AGBL4: variants seen among roughly 807,000 people sequenced by gnomAD.
AGBL4 encodes AGBL carboxypeptidase 4.
AGBL4 carries 58 observed loss-of-function variants against 66.4 expected under a neutral mutation model. The observed-to-expected ratio is 0.87, with a 90% CI of 0.71 to 1.09. AGBL4 has a LOEUF of 1.09. AGBL4 is among the 50% of genes least tolerant of loss of function. The pLI is 0.00. For missense variants in AGBL4, 579 were observed against 631.0 expected, an observed-to-expected ratio of 0.92 and a Z score of 0.88; for synonymous variants, 234 against 222.9, an observed-to-expected ratio of 1.05 and a Z score of -0.44.
At chr1:49,264,546 A>G (rs1043843530) in intron 3 of AGBL4, among the ~76,000 whole-genome samples, 7 of 150,668 alleles carry the variant, frequency 4.6e-5, no homozygotes, top group Non-Finnish European at 8.9e-5. Context: ...ACAGCCTCCC[A>G]TAAGTTTTTT....
At chr1:49,407,223 G>C (rs561391640) in intron 3 of AGBL4, among the ~76,000 whole-genome samples, 8 of 152,040 alleles carry the variant, frequency 5.3e-5, no homozygotes, top group East Asian at 1.9e-4. Context: ...CTATAATGTG[G>C]GTTAGCATCA....
Position 50,023,745 on chromosome 1 carries a change from T to A in AGBL4, c.34+18A>T. On this transcript the variant is annotated intron_variant, in intron 1 of 13. Transcript: ENST00000371839. ...CCTGGCCGCCTCAGCCTTCCCCAGA[T>A]CGGCCGCCCCCACAGACCTGCCTCA... The A allele has an allele frequency of 6.5e-7, 1 of 1,547,532 alleles. No homozygotes were observed. The highest frequency in any genetic ancestry group is 1.2e-5 in the South Asian group (1 of 83,592).
At chr1:49,812,933 T>C (rs1304007401) in intron 2 of AGBL4, among the ~76,000 whole-genome samples, 1 of 152,090 alleles carries the variant, frequency 6.6e-6, no homozygotes, top group Non-Finnish European at 1.5e-5. Context: ...AGAAGACATA[T>C]AAATATCCCA....
At chr1:49,398,358 TCTCTCTCTC>T (rs1244413759) in intron 3 of AGBL4, among the ~76,000 whole-genome samples, 63 of 127,572 alleles carry the variant, frequency 4.9e-4, no homozygotes, top group Admixed American at 1.9e-3. Flanking sequence ...TCTCTCTCTC[TCTCTCTCTC>T]GCTCCTGATT....
rs141494218 is a variant in AGBL4 at position 49,973,943 on chromosome 1, C to T, written c.34+49820G>A. Among the ~76,000 whole-genome samples the T allele has an allele frequency of 2.7e-3, 410 of 151,762 alleles. 1 individual carries two copies. Among genetic ancestry groups the T allele is most frequent in the Non-Finnish European group, 3.0e-3 (202 of 67,878 alleles). Reference sequence around the variant, plus strand: ...AATAATAATTATTTATTGGTAGGAACGCTAAAACAAATGAGTAGAACAAAA... The same window carrying T: ...AATAATAATTATTTATTGGTAGGAATGCTAAAACAAATGAGTAGAACAAAA... On this transcript the variant is annotated intron_variant, in intron 1 of 13. Coordinates refer to ENST00000371839, the MANE Select transcript of AGBL4 (RefSeq NM_032785.4).
At chr1:49,152,846 T>A (rs1421145968) in intron 4 of AGBL4, among the ~76,000 whole-genome samples, 1 of 152,148 alleles carries the variant, frequency 6.6e-6, no homozygotes, top group Non-Finnish European at 1.5e-5. Flanking sequence ...ATAAATATAA[T>A]TCTGGGCAGA....
intron 9 of AGBL4, among the ~76,000 whole-genome samples, chr1:48,626,620 C>G (rs1010924982): frequency 4.0e-5 from 6 of 151,494 alleles, no homozygotes; most frequent in African/African-American, 1.5e-4. Context: ...TATGTGTAGA[C>G]AAGGGGGAAA....
intron 5 of AGBL4, among the ~76,000 whole-genome samples, chr1:48,984,242 C>G (rs113665718): frequency 4.0e-5 from 6 of 151,832 alleles, no homozygotes; most frequent in Non-Finnish European, 8.8e-5. Context: ...TCCACTACCA[C>G]TTTTCAGATG....
chr1:49,419,578 A>G (rs1645499161), intron 3 of AGBL4, among the ~76,000 whole-genome samples: 1 of 152,200 alleles, frequency 6.6e-6, no homozygotes, highest in South Asian at 2.1e-4. Flanking sequence ...CATCTATTCA[A>G]CAAATGAAAT....
chr1:49,226,702 A>G (rs1649936873), intron 4 of AGBL4, among the ~76,000 whole-genome samples: 1 of 152,116 alleles, frequency 6.6e-6, no homozygotes, highest in Non-Finnish European at 1.5e-5. Context: ...AACAACTAAG[A>G]GTCTTCCCAA....
chr1:49,248,610 G>A lies in AGBL4; in HGVS notation c.283-2746C>T, dbSNP rs536163863. Among the ~76,000 whole-genome samples, 6 of 152,150 alleles carry A rather than the reference G, an allele frequency of 3.9e-5. 1 individual carries two copies. The South Asian group carries it at 1.2e-3, about 32-fold the overall frequency. On this transcript the variant is annotated intron_variant, in intron 3 of 13. Coordinates refer to ENST00000371839, the MANE Select transcript of AGBL4 (RefSeq NM_032785.4). ...AATCCCAGTTCCCTACACGTTCTGC[G>A]AGTTTAGGAAAGGTAATTATTCTTT...
intron 5 of AGBL4, among the ~76,000 whole-genome samples, chr1:48,979,607 G>T (rs1659591002): frequency 6.6e-6 from 1 of 152,002 alleles, no homozygotes; most frequent in Non-Finnish European, 1.5e-5. Flanking sequence ...TTTAATCTTT[G>T]AAGAATTGAA....
intron 6 of AGBL4, among the ~76,000 whole-genome samples, chr1:48,722,012 A>C (rs371683452): frequency 6.6e-6 from 1 of 152,150 alleles, no homozygotes; most frequent in South Asian, 2.1e-4. Context: ...AATTATTCAG[A>C]TAATTCACAT....
chr1:48,553,004 G>T (rs1644271451), intron 11 of AGBL4, among the ~76,000 whole-genome samples: 1 of 152,080 alleles, frequency 6.6e-6, no homozygotes, highest in African/African-American at 2.4e-5. Context: ...CAAGACTGCT[G>T]GTATTTATAG....
chr1:48,999,265 A>C (rs1431502371), intron 5 of AGBL4, among the ~76,000 whole-genome samples: 1 of 152,148 alleles, frequency 6.6e-6, no homozygotes, highest in African/African-American at 2.4e-5. Context: ...GTGAGTGATG[A>C]CTCACTGATG....
chr1:49,427,625 A>C (rs2148652233), intron 3 of AGBL4, among the ~76,000 whole-genome samples: 1 of 152,234 alleles, frequency 6.6e-6, no homozygotes, highest in Non-Finnish European at 1.5e-5. Context: ...TCGTGGTCTC[A>C]GTTGACTTCA....
intron 6 of AGBL4, among the ~76,000 whole-genome samples, chr1:48,766,213 A>AT (rs576364791): frequency 1.1e-4 from 16 of 151,454 alleles, no homozygotes; most frequent in Admixed American, 2.0e-4. Context: ...TATAAGCCAC[A>AT]TTTTTTTTTC....
chr1:48,602,309 A>G (rs1364971362), intron 9 of AGBL4, among the ~76,000 whole-genome samples: 2 of 152,156 alleles, frequency 1.3e-5, no homozygotes, highest in Non-Finnish European at 2.9e-5. Context: ...CAATTTCCCC[A>G]CTTAGAGGAC....
intron 4 of AGBL4, among the ~76,000 whole-genome samples, chr1:49,141,400 G>C (rs747325117): frequency 6.6e-6 from 1 of 151,984 alleles, no homozygotes; most frequent in Non-Finnish European, 1.5e-5. Context: ...CACATGTCAG[G>C]CCCTATTCTA....
Sources: allele counts gnomAD v4.1 joint callset (sites outside exome capture counted in the v4.1 genomes callset), GRCh38; gene constraint gnomAD v4.1.1; transcripts MANE v1.5; gene names NCBI Gene and HGNC (gene_info 2026-07-23, HGNC 2026-07-21).